TMED5: variants seen among roughly 807,000 people sequenced by gnomAD.
TMED5 encodes the protein transmembrane p24 trafficking protein 5.
Under a neutral mutation model 23.0 loss-of-function variants are expected in TMED5, and 27 were observed. The observed-to-expected ratio is 1.17, with a 90% confidence interval of 0.86 to 1.62. TMED5 has a LOEUF of 1.62. TMED5 is among the 40% of genes most tolerant of loss of function. The pLI is 0.00. For synonymous variants in TMED5, 97 were observed against 100.8 expected (o/e 0.96, Z 0.23); for missense variants, 248 against 273.7 (o/e 0.91, Z 0.66).
In TMED5 at chr1:93,156,687, C is replaced by CA. The variant is rs956086150; in HGVS notation, c.288-205dup. 1.7e-4 allele frequency among the ~76,000 whole-genome samples: 25 copies of CA among 148,876 alleles called. No individual in the cohort carries two copies. In the South Asian group the frequency reaches 2.3e-3, roughly 14 times the overall value. ...GTAACATGGCAAAATCCTGTCTCTA[C>CA]AAAAAAATAACAAAAATTAGCAGAG... On this transcript the variant is annotated intron_variant, in intron 2 of 3. Transcript: ENST00000370282.
At chr1:93,164,989 C>A (rs554650540) in intron 1 of TMED5, among the ~76,000 whole-genome samples, 74 of 152,308 alleles carry the variant, frequency 4.9e-4, no homozygotes, top group Non-Finnish European at 9.7e-4. Flanking sequence ...TTGTAAAATG[C>A]GTTACAGAGA....
chr1:93,162,665 A>C (rs931126836), intron 1 of TMED5: 4 of 152,226 alleles, frequency 2.6e-5, no homozygotes, highest in Admixed American at 2.6e-4. Context: ...ATCTTCAGAC[A>C]GAAAGGATCT....
In TMED5 at chr1:93,152,275, T is replaced by G. The variant is rs1468702726; in HGVS notation, c.*2395A>C. On this transcript the variant is annotated 3_prime_UTR_variant, in exon 4 of 4. Transcript: ENST00000370282. Reference sequence around the variant, plus strand: ...TGGGCCTTAGTTAAATATTGTAGTATTTTTAAAATTTGTATATTGAAAAAG... The same window carrying G: ...TGGGCCTTAGTTAAATATTGTAGTAGTTTTAAAATTTGTATATTGAAAAAG... 1 of 152,544 alleles carries G rather than the reference T, an allele frequency of 6.6e-6. No homozygotes were observed. Among genetic ancestry groups the G allele is most frequent in the Non-Finnish European group, 1.5e-5 (1 of 68,012 alleles). The allele number at this position is 152,544 out of a possible 1,614,324, so 9.4% of individuals were successfully genotyped here.
At chr1:93,157,357 T>C (rs1041384994) in intron 2 of TMED5, among the ~76,000 whole-genome samples, 2 of 152,230 alleles carry the variant, frequency 1.3e-5, no homozygotes, top group Non-Finnish European at 2.9e-5. Context: ...TCATTAATTA[T>C]GCCAAGTGCT....
intron 1 of TMED5, chr1:93,163,320 G>C (rs1391136513): frequency 6.6e-6 from 1 of 151,326 alleles, no homozygotes; most frequent in Non-Finnish European, 1.5e-5. Context: ...GACTATGGAA[G>C]GTTAATTAAA....
intron 1 of TMED5, among the ~76,000 whole-genome samples, chr1:93,168,838 C>T (rs2101151546): frequency 6.6e-6 from 1 of 151,742 alleles, no homozygotes; most frequent in South Asian, 2.1e-4. Flanking sequence ...GACTCTGTCT[C>T]AAAAAGAAAA....
At chr1:93,164,675 G>A (rs1248804466) in intron 1 of TMED5, among the ~76,000 whole-genome samples, 1 of 152,084 alleles carries the variant, frequency 6.6e-6, no homozygotes, top group Admixed American at 6.6e-5. Context: ...GGAATGCCTG[G>A]GAGGAGGAAA....
intron 1 of TMED5, among the ~76,000 whole-genome samples, chr1:93,170,371 G>GGCCT (rs1374486855): frequency 2.6e-5 from 4 of 152,322 alleles, no homozygotes; most frequent in East Asian, 3.9e-4. Context: ...GCGGCCGGCC[G>GGCCT]GCCTGCAAGC....
At chr1:93,172,234 G>C (rs913194985) in intron 1 of TMED5, among the ~76,000 whole-genome samples, 4 of 151,854 alleles carry the variant, frequency 2.6e-5, no homozygotes, top group Admixed American at 6.6e-5. Context: ...ACAAGAAAGG[G>C]AAAGAAAAGA....
Position 93,156,440 on chromosome 1 carries a change from T to C in TMED5, c.331A>G (p.Thr111Ala). The C allele has an allele frequency of 6.2e-7, 1 of 1,613,976 alleles. No homozygotes were observed. Among genetic ancestry groups the C allele is most frequent in the Non-Finnish European group, 8.5e-7 (1 of 1,179,942 alleles). ...ACCTTCTCAGAAATGGTGCTGAATG[T>C]ATTGTCAAAGCAGAACATGTAATCA... ...VGDYMFCFDN[T>A]FSTISEKVIF... Residue 111 changes from threonine to alanine, a missense_variant, in exon 3 of 4, where the codon ACA becomes GCA. Physicochemically the swap from Thr to Ala is moderately conservative, Grantham distance 58 (BLOSUM62 0). Transcript: ENST00000370282.
At chr1:93,158,876 T>A (rs1006694933) in intron 2 of TMED5, 1 of 948,100 alleles carries the variant, frequency 1.1e-6, no homozygotes, top group African/African-American at 1.8e-5. Context: ...CATTTTTACT[T>A]CTTATACACC....
At chr1:93,158,476 T>TTATC (rs1648151100) in intron 2 of TMED5, among the ~76,000 whole-genome samples, 1 of 152,218 alleles carries the variant, frequency 6.6e-6, no homozygotes, top group Non-Finnish European at 1.5e-5. Context: ...GTGAATTTTA[T>TTATC]TATCTCAAAA....
Position 93,151,709 on chromosome 1 carries a change from A to G in TMED5, c.*2961T>C, listed in dbSNP as rs1015906740. ...AAGTACATATAGAAACAGAACTCCA[A>G]TGCAAAGTAGAGTGATGTACAATAA... On this transcript the variant is annotated 3_prime_UTR_variant, in exon 4 of 4. Coordinates refer to ENST00000370282, the MANE Select transcript of TMED5 (RefSeq NM_016040.5). 2.0e-5 allele frequency: 3 copies of G among 152,200 alleles called. No homozygotes were observed. The highest frequency in any genetic ancestry group is 6.5e-5 in the Admixed American group (1 of 15,282). 9.4% of individuals were successfully genotyped at this position (152,200 alleles called of 1,614,324 possible).
intron 2 of TMED5, chr1:93,158,728 C>T (rs1049631216): frequency 1.3e-5 from 2 of 156,080 alleles, no homozygotes; most frequent in Non-Finnish European, 2.8e-5. Flanking sequence ...CCACCATGAC[C>T]AGCTAATTTT....
intron 1 of TMED5, among the ~76,000 whole-genome samples, chr1:93,165,160 T>C (rs1648448719): frequency 6.6e-6 from 1 of 152,148 alleles, no homozygotes; most frequent in African/African-American, 2.4e-5. Flanking sequence ...CTGTGAGAGA[T>C]CCAGAGTAGA....
At chr1:93,176,869 T>C (rs12239921) in intron 1 of TMED5, among the ~76,000 whole-genome samples, 1 of 152,202 alleles carries the variant, frequency 6.6e-6, no homozygotes, top group Non-Finnish European at 1.5e-5. Flanking sequence ...GCAACTTGGA[T>C]AGTGCTGACA....
chr1:93,153,277 T>C lies in TMED5; in HGVS notation c.*1393A>G, dbSNP rs1571267285. On this transcript the variant is annotated 3_prime_UTR_variant, in exon 4 of 4. Coordinates refer to ENST00000370282, the MANE Select transcript of TMED5 (RefSeq NM_016040.5). ...GAAACTTTGTTGTATATATGGGTTA[T>C]TCACATTTAGGTGTTTAAAACTTGG... 6.6e-6 allele frequency: 1 copy of C among 152,366 alleles called. No homozygotes were observed. Among genetic ancestry groups the C allele is most frequent in the East Asian group, 1.9e-4 (1 of 5,194 alleles). The allele number at this position is 152,366 out of a possible 1,614,324, so 9.4% of individuals were successfully genotyped here.
At chr1:93,157,720 TAAAAGA>T (rs1420298786) in intron 2 of TMED5, among the ~76,000 whole-genome samples, 1 of 152,018 alleles carries the variant, frequency 6.6e-6, no homozygotes, top group Admixed American at 6.6e-5. Context: ...AAATTACATT[TAAAAGA>T]AAAAGAAAAA....
At position 93,180,101 on chromosome 1, in the gene TMED5, A is replaced by G. The variant is rs1448610078; in HGVS notation, c.142T>C (p.Phe48Leu). ...FTLPAGQKEC[F>L]YQPMPLKASL... is the part of the protein sequence containing the mutation. ...GCCTTCAGGGGCATGGGCTGGTAGA[A>G]GCACTCCTTCTGGCCGGCGGGAAGG... Residue 48 changes from phenylalanine to leucine, a missense_variant, in exon 1 of 4, where the codon TTC (phenylalanine) becomes CTC (leucine). Transcript: ENST00000370282. 2 of 1,613,378 alleles carry G rather than the reference A, an allele frequency of 1.2e-6. No individual in the cohort carries two copies. Among genetic ancestry groups the G allele is most frequent in the East Asian group, 2.2e-5 (1 of 44,750 alleles).
Sources: allele counts gnomAD v4.1 joint callset (sites outside exome capture counted in the v4.1 genomes callset), GRCh38; gene constraint gnomAD v4.1.1; transcripts MANE v1.5; gene names NCBI Gene and HGNC (gene_info 2026-07-23, HGNC 2026-07-21).